Variants in ENOX1 observed in about 807,000 individuals in gnomAD.
The protein encoded by ENOX1 is ecto-NOX disulfide-thiol exchanger 1, also known as candidate growth-related and time keeping constitutive hydroquinone (NADH) oxidase.
Under a neutral mutation model 82.5 loss-of-function variants are expected in ENOX1, and 42 were observed. That is an observed-to-expected ratio of 0.51 (90% CI 0.40 to 0.66). ENOX1 has a LOEUF of 0.66. Ranked by LOEUF, ENOX1 falls within the 30% of genes least tolerant of loss-of-function variation. ENOX1 has a pLI of 0.00. For synonymous variants in ENOX1, 271 were observed against 282.2 expected (o/e 0.96, Z 0.40); for missense variants, 608 against 811.6 (o/e 0.75, Z 3.05).
At chr13:43,639,656 G>T (rs1326595743) in intron 2 of ENOX1, among the ~76,000 whole-genome samples, 1 of 152,096 alleles carries the variant, frequency 6.6e-6, no homozygotes, top group Non-Finnish European at 1.5e-5. Flanking sequence ...AGCCAACATG[G>T]TTTTTATGTT....
At chr13:43,680,128 C>T (rs1449174723) in intron 1 of ENOX1, among the ~76,000 whole-genome samples, 2 of 152,184 alleles carry the variant, frequency 1.3e-5, no homozygotes, top group Admixed American at 6.6e-5. Context: ...GGTTCATATA[C>T]TAATTTATTC....
At chr13:43,418,236 T>C (rs1210418281) in intron 3 of ENOX1, among the ~76,000 whole-genome samples, 1 of 146,266 alleles carries the variant, frequency 6.8e-6, no homozygotes, top group Non-Finnish European at 1.5e-5. Context: ...AATAATATAA[T>C]GTAATTTAAG....
intron 1 of ENOX1, among the ~76,000 whole-genome samples, chr13:43,782,177 T>C (rs1952310915): frequency 6.6e-6 from 1 of 152,248 alleles, no homozygotes; most frequent in South Asian, 2.1e-4. Context: ...ACACACAAAT[T>C]ATCTTGCACA....
intron 2 of ENOX1, among the ~76,000 whole-genome samples, chr13:43,629,742 GC>G (rs1282879233): frequency 6.6e-6 from 1 of 152,096 alleles, no homozygotes; most frequent in East Asian, 1.9e-4. Context: ...ATTGCTCTTG[GC>G]CATCTGTTTT....
At chr13:43,548,195 T>C (rs1419658541) in intron 2 of ENOX1, 1 of 152,212 alleles carries the variant, frequency 6.6e-6, no homozygotes. Context: ...AAGGCATAGT[T>C]ATTTGGAAAC....
At chr13:43,687,700 C>T (rs1198654341) in intron 1 of ENOX1, among the ~76,000 whole-genome samples, 1 of 152,168 alleles carries the variant, frequency 6.6e-6, no homozygotes, top group East Asian at 1.9e-4. Flanking sequence ...GGATATTCAG[C>T]AAGACTCAGT....
At chr13:43,586,120 A>T (rs1566579615) in intron 2 of ENOX1, among the ~76,000 whole-genome samples, 1 of 152,162 alleles carries the variant, frequency 6.6e-6, no homozygotes, top group African/African-American at 2.4e-5. Context: ...AGAAAACTTC[A>T]GCCTGTGGCT....
chr13:43,476,228 G>A (rs568850947), intron 3 of ENOX1, among the ~76,000 whole-genome samples: 106 of 152,036 alleles, frequency 7.0e-4, no homozygotes, highest in African/African-American at 2.4e-3. Flanking sequence ...TAGGTATAAC[G>A]CTCCATAAAA....
chr13:43,722,904 A>G (rs1019625803), intron 1 of ENOX1, among the ~76,000 whole-genome samples: 3 of 152,224 alleles, frequency 2.0e-5, no homozygotes, highest in Non-Finnish European at 2.9e-5. Flanking sequence ...CACAAACATG[A>G]CAATAATCAT....
At chr13:43,214,631 A>T (rs2041369683) in intron 16 of ENOX1, among the ~76,000 whole-genome samples, 2 of 152,212 alleles carry the variant, frequency 1.3e-5, no homozygotes, top group Non-Finnish European at 2.9e-5. Context: ...TTGGAATGGA[A>T]TCTAAACTCC....
intron 1 of ENOX1, among the ~76,000 whole-genome samples, chr13:43,780,339 T>G (rs908377423): frequency 6.6e-6 from 1 of 152,042 alleles, no homozygotes; most frequent in Non-Finnish European, 1.5e-5. Flanking sequence ...ATCTTCCCTA[T>G]GTATTAAAAT....
chr13:43,720,777 A>G (rs2088519523), intron 1 of ENOX1, among the ~76,000 whole-genome samples: 1 of 152,170 alleles, frequency 6.6e-6, no homozygotes, highest in Admixed American at 6.5e-5. Context: ...TGAAGACAGA[A>G]TTCCAGTGGA....
At position 43,269,490 on chromosome 13, in the gene ENOX1, G is replaced by A. The variant is rs558558464; in HGVS notation, c.1534C>T (p.Leu512=). Residue 512 remains leucine (L), a synonymous_variant, in exon 13 of 17, where the codon CTA becomes TTA. Transcript: ENST00000690772. ...KEEQSHTQAL[L]KVLQEQLKGT... Reference sequence around the variant, plus strand: ...CTTACTTGTTCCTGCAGGACTTTTAGTAACGCTTGTGTATGGGACTGCTCT... The same window carrying A: ...CTTACTTGTTCCTGCAGGACTTTTAATAACGCTTGTGTATGGGACTGCTCT... 17 of 1,613,714 alleles carry A rather than the reference G, an allele frequency of 1.1e-5. No individual in the cohort carries two copies. The highest frequency in any genetic ancestry group is 1.2e-5 in the Non-Finnish European group (14 of 1,179,756).
In ENOX1 at chr13:43,249,360, G is replaced by A. The variant is rs117689312; in HGVS notation, c.1612-12622C>T. ...CACTGCTATAGCTACTCAAGTCCAC[G>A]CCCTTCACAGTCTGAAAAAGTACTA... On this transcript the variant is annotated intron_variant, in intron 14 of 16. Coordinates refer to ENST00000690772, the MANE Select transcript of ENOX1 (RefSeq NM_001347969.2). 1.0e-2 allele frequency among the ~76,000 whole-genome samples: 1,521 copies of A among 152,200 alleles called. 11 individuals carry two copies. Among genetic ancestry groups the A allele is most frequent in the South Asian group, 0.024 (118 of 4,826 alleles).
intron 12 of ENOX1, among the ~76,000 whole-genome samples, chr13:43,274,748 TGGAAACACTTGGGC>T (rs2044903354): frequency 6.6e-6 from 1 of 152,206 alleles, no homozygotes; most frequent in Non-Finnish European, 1.5e-5. Context: ...GCCAATCAAG[TGGAAACACTTGGGC>T]GGACCATAAG....
chr13:43,392,427 C>G (rs932266042), intron 5 of ENOX1, among the ~76,000 whole-genome samples: 5 of 152,168 alleles, frequency 3.3e-5, no homozygotes, highest in African/African-American at 4.8e-5. Flanking sequence ...GCCTGTAATC[C>G]CAGCACTTTG....
intron 2 of ENOX1, among the ~76,000 whole-genome samples, chr13:43,653,993 T>A (rs930245314): frequency 6.6e-6 from 1 of 152,200 alleles, no homozygotes; most frequent in Non-Finnish European, 1.5e-5. Context: ...TCCACTATAG[T>A]AAAAATATGA....
chr13:43,341,559 A>G (rs1432631787), intron 9 of ENOX1, among the ~76,000 whole-genome samples: 1 of 152,204 alleles, frequency 6.6e-6, no homozygotes, highest in African/African-American at 2.4e-5. Flanking sequence ...AAGCTAAAGA[A>G]GTGAGCACAG....
At chr13:43,480,217 G>A (rs1406863942) in intron 3 of ENOX1, among the ~76,000 whole-genome samples, 1 of 152,132 alleles carries the variant, frequency 6.6e-6, no homozygotes, top group Non-Finnish European at 1.5e-5. Context: ...TCAATTCTAG[G>A]CATGAGCCAC....
Sources: gnomAD v4.1 joint callset for allele counts (sites outside exome capture counted in the v4.1 genomes callset) on GRCh38, gnomAD v4.1.1 for gene constraint, MANE v1.5 for transcripts, NCBI Gene and HGNC (gene_info 2026-07-23, HGNC 2026-07-21) for gene names.